Variants in SCAMP5 observed in about 807,000 individuals in gnomAD.
SCAMP5 encodes the protein secretory carrier membrane protein 5.
A neutral mutation model predicts 28.3 loss-of-function variants in SCAMP5; 7 were observed. The ratio of observed to expected loss-of-function variants is 0.25; its 90% CI spans 0.14 to 0.46. The LOEUF (loss-of-function observed/expected upper bound fraction) is 0.46. SCAMP5 is among the 20% of genes least tolerant of loss of function. The pLI is 0.99. For missense variants in SCAMP5, 192 were observed against 312.5 expected (o/e 0.61, Z 2.91); for synonymous variants, 117 against 116.4 (o/e 1.00, Z -0.03).
intron 1 of SCAMP5, among the ~76,000 whole-genome samples, chr15:74,999,787 A>C (rs1477698316): frequency 2.0e-5 from 3 of 152,138 alleles, no homozygotes; most frequent in Non-Finnish European, 4.4e-5. Context: ...GCTGACAGAG[A>C]GAGACGCTGT....
chr15:74,998,605 C>CAAA (rs746618976), intron 1 of SCAMP5, among the ~76,000 whole-genome samples: 5 of 85,374 alleles, frequency 5.9e-5, no homozygotes, highest in East Asian at 6.6e-4. Flanking sequence ...AACTCCATCT[C>CAAA]AAAAAAAAAA....
Position 75,018,529 on chromosome 15 carries a change from C to T in SCAMP5, c.507C>T (p.Leu169=), listed in dbSNP as rs2065878912. 6.2e-7 allele frequency: 1 copy of T among 1,602,322 alleles called. No homozygotes were observed. Among genetic ancestry groups the T allele is most frequent in the African/African-American group, 1.3e-5 (1 of 74,680 alleles). ...TVMAVFSFIA[L]SMVHKFYRGS... ...TGGCCGTCTTTTCCTTCATCGCCCT[C>T]AGCATGGTACGTGGTCCCCTCAAGG... is the stretch of plus-strand genomic sequence containing the variant. Residue 169 remains leucine (L), a synonymous_variant, in exon 6 of 7, where the codon CTC becomes CTT. Transcript: ENST00000425597. The surrounding 1 kb of genome is among the most constrained non-coding windows in gnomAD (Gnocchi z 5.6).
chr15:75,016,514 C>A (rs568061779), intron 3 of SCAMP5, 79 bp from the exon 4 acceptor site: 3 of 1,350,390 alleles, frequency 2.2e-6, no homozygotes, highest in Non-Finnish European at 3.1e-6. Flanking sequence ...TGTGTGTGTG[C>A]CCATGTCCGG....
At chr15:75,011,929 C>T in intron 2 of SCAMP5, 83 bp downstream of exon 2, 1 of 1,217,004 alleles carries the variant, frequency 8.2e-7, no homozygotes, top group East Asian at 2.4e-5. Flanking sequence ...CCTTATCTCC[C>T]CTAGTCTTTG....
At position 75,001,087 on chromosome 15, in the gene SCAMP5, G is replaced by A. The variant is rs567700094; in HGVS notation, c.-49+5414G>A. Among the ~76,000 whole-genome samples the A allele has an allele frequency of 2.6e-5, 4 of 151,428 alleles. No homozygotes were observed. The South Asian group carries it at 6.3e-4, about 24-fold the overall frequency. On this transcript the variant is annotated intron_variant, in intron 1 of 6. Coordinates refer to ENST00000425597, the MANE Select transcript of SCAMP5 (RefSeq NM_138967.4). The stretch of plus-strand genomic sequence containing the variant: ...TAGCCGAGACCATCCTGGCTAACAC[G>A]GTGAAACCCCGTCTCTACTAAAAGT...
chr15:75,000,950 C>G (rs2065700762), intron 1 of SCAMP5, among the ~76,000 whole-genome samples: 2 of 151,986 alleles, frequency 1.3e-5, no homozygotes, highest in South Asian at 2.1e-4. Flanking sequence ...CTGGCCAACT[C>G]CCTATTCCTT....
intron 1 of SCAMP5, among the ~76,000 whole-genome samples, chr15:75,004,509 C>T (rs1254108760): frequency 1.3e-5 from 2 of 152,018 alleles, no homozygotes; most frequent in Admixed American, 6.5e-5. Context: ...GCGGGTGGAT[C>T]TCTTAAGCCC....
At chr15:75,002,093 G>T (rs1394829243) in intron 1 of SCAMP5, among the ~76,000 whole-genome samples, 1 of 152,002 alleles carries the variant, frequency 6.6e-6, no homozygotes, top group Non-Finnish European at 1.5e-5. Context: ...GCAATAGAGT[G>T]AGACCCTGTC....
rs16973530 is a variant in SCAMP5, at chr15:75,017,945, C to A, written c.369C>A (p.Ala123=). 6.8e-6 allele frequency: 11 copies of A among 1,613,274 alleles called. No individual in the cohort carries two copies. Among genetic ancestry groups the A allele is most frequent in the Non-Finnish European group, 8.5e-6 (10 of 1,179,430 alleles). ...AGTTGGTCATCAGCATCATCCAGGC[C>A]GTGGGCATCCCAGGCTGGGGCGTCT... ...MAQLVISIIQ[A]VGIPGWGVCG... Residue 123 remains alanine (A), a synonymous_variant, in exon 5 of 7, where the codon GCC becomes GCA. Transcript: ENST00000425597.
chr15:74,999,130 G>A (rs2065679121), intron 1 of SCAMP5, among the ~76,000 whole-genome samples: 1 of 152,182 alleles, frequency 6.6e-6, no homozygotes, highest in Admixed American at 6.5e-5. Context: ...TCATTGGCAT[G>A]TGGCCACCTC....
chr15:74,999,202 G>A (rs1459664784), intron 1 of SCAMP5, among the ~76,000 whole-genome samples: 1 of 152,116 alleles, frequency 6.6e-6, no homozygotes, highest in African/African-American at 2.4e-5. Flanking sequence ...TATGTGCTCT[G>A]ACCTCAAGGA....
At chr15:75,017,615 G>A in intron 4 of SCAMP5, 1 of 580,010 alleles carries the variant, frequency 1.7e-6, no homozygotes, top group Non-Finnish European at 3.1e-6. Context: ...ATGCCAATGA[G>A]GCCGTCCATC....
rs1181172781 is a variant in SCAMP5, at chr15:75,020,396, C to G, written c.*1413C>G. 4 of 152,580 alleles carry G rather than the reference C, an allele frequency of 2.6e-5. No individual in the cohort carries two copies. The highest frequency in any genetic ancestry group is 4.8e-5 in the African/African-American group (2 of 41,380). 9.5% of individuals were successfully genotyped at this position (152,580 alleles called of 1,614,324 possible). A position where few individuals can be genotyped will look rare whatever the true frequency, so the allele number is the denominator to read the frequency against. On this transcript the variant is annotated 3_prime_UTR_variant, in exon 7 of 7. Coordinates refer to ENST00000425597, the MANE Select transcript of SCAMP5 (RefSeq NM_138967.4). ...GCCCAAGCAGAAGCACAGGCCCAGT[C>G]CTGGCTGCAAGCACAATAGCCTGAA...
chr15:75,003,939 T>A (rs2065732384), intron 1 of SCAMP5, among the ~76,000 whole-genome samples: 1 of 152,086 alleles, frequency 6.6e-6, no homozygotes, highest in Non-Finnish European at 1.5e-5. Flanking sequence ...AGTTTCGCTC[T>A]TGTTGCCCAG....
intron 1 of SCAMP5, among the ~76,000 whole-genome samples, chr15:75,011,197 C>T (rs1454400210): frequency 6.7e-6 from 1 of 148,900 alleles, no homozygotes; most frequent in Admixed American, 6.7e-5. Flanking sequence ...CAGAGAGAGA[C>T]CCTGTCTCAA....
At chr15:75,016,845 A>G in intron 4 of SCAMP5, 96 bp downstream of exon 4, 4 of 801,928 alleles carry the variant, frequency 5.0e-6, no homozygotes, top group South Asian at 2.1e-5. Context: ...TTTTTTTTTT[A>G]CCCTCCCCCA....
chr15:75,012,015 A>C (rs370709983), intron 2 of SCAMP5, among the ~76,000 whole-genome samples, 169 bp downstream of exon 2: 23 of 152,170 alleles, frequency 1.5e-4, no homozygotes, highest in Non-Finnish European at 1.5e-5. Flanking sequence ...GAGAACTTCA[A>C]CATGACATTG....
At chr15:75,010,682 C>T (rs529272754) in intron 1 of SCAMP5, among the ~76,000 whole-genome samples, 2 of 152,294 alleles carry the variant, frequency 1.3e-5, no homozygotes, top group African/African-American at 2.4e-5. Context: ...TAGTCTGTCC[C>T]TGTAGTCTAG....
intron 1 of SCAMP5, among the ~76,000 whole-genome samples, chr15:75,010,369 G>A (rs1444039888): frequency 3.3e-5 from 5 of 152,088 alleles, no homozygotes; most frequent in Admixed American, 3.3e-4. Flanking sequence ...AAGTGGGCAG[G>A]GAGTCTTCCA....
Sources: gnomAD v4.1 joint callset for allele counts (sites outside exome capture counted in the v4.1 genomes callset) on GRCh38, gnomAD v4.1.1 for gene constraint, Gnocchi (gnomAD v3.1) non-coding constraint, MANE v1.5 for transcripts, NCBI Gene and HGNC (gene_info 2026-07-23, HGNC 2026-07-21) for gene names.